Variants in C1D observed in about 807,000 individuals in gnomAD.
C1D encodes the protein nuclear nucleic acid-binding protein C1D.
A neutral mutation model predicts 17.5 loss-of-function variants in C1D; 10 were observed. The observed-to-expected ratio is 0.57, with a 90% CI of 0.35 to 0.97. C1D has a LOEUF of 0.97. Among genes scored for constraint, C1D ranks in the 50% least tolerant of loss-of-function variants. The pLI, the probability that C1D is intolerant of heterozygous loss-of-function variation, is 0.01. For synonymous variants in C1D, 49 were observed against 54.0 expected, an observed-to-expected ratio of 0.91 and a Z score of 0.40; for missense variants, 136 against 160.1, an observed-to-expected ratio of 0.85 and a Z score of 0.81.
intron 1 of C1D, among the ~76,000 whole-genome samples, chr2:68,051,751 T>G (rs968350678): frequency 6.6e-6 from 1 of 151,926 alleles, no homozygotes; most frequent in African/African-American, 2.4e-5. Context: ...GAGCTCATTA[T>G]GTTACCTTCA....
intron 1 of C1D, among the ~76,000 whole-genome samples, chr2:68,055,001 G>T (rs1455730731): frequency 6.8e-6 from 1 of 147,304 alleles, no homozygotes. Context: ...AAAGACTATT[G>T]CACTAAGATG....
rs1372502484 is a variant in C1D, at chr2:68,042,270, A to G, written c.*619T>C. ...TGCCAAAATTCATCCATCAACATAC[A>G]ACCTTATTTCCCATCTAAAGTTAAT... On this transcript the variant is annotated 3_prime_UTR_variant, in exon 5 of 5. Coordinates refer to ENST00000410067, the MANE Select transcript of C1D (RefSeq NM_173177.3). The G allele has an allele frequency of 1.3e-5, 2 of 152,664 alleles. No homozygotes were observed. The highest frequency in any genetic ancestry group is 4.8e-5 in the African/African-American group (2 of 41,562). The allele number at this position is 152,664 out of a possible 1,614,324, so 9.5% of individuals were successfully genotyped here.
At chr2:68,056,188 T>C (rs1671433375) in intron 1 of C1D, among the ~76,000 whole-genome samples, 1 of 152,236 alleles carries the variant, frequency 6.6e-6, no homozygotes, top group Admixed American at 6.5e-5. Flanking sequence ...AGTGGCTCAA[T>C]CTCAGCTCAA....
intron 4 of C1D, among the ~76,000 whole-genome samples, chr2:68,045,520 A>G (rs1177823772): frequency 6.6e-6 from 1 of 152,218 alleles, no homozygotes; most frequent in Non-Finnish European, 1.5e-5. Context: ...ACTGGACAGT[A>G]CACATACAGC....
At chr2:68,046,502 T>A in intron 2 of C1D, 92 bp from the exon 3 acceptor site, 1 of 843,272 alleles carries the variant, frequency 1.2e-6, no homozygotes, top group South Asian at 1.5e-5. Flanking sequence ...ATTTGACTTT[T>A]ACCAAGTACA....
At position 68,041,894 on chromosome 2, in the gene C1D, T is replaced by C. The variant is rs1235986961; in HGVS notation, c.*995A>G. ...ATTTAAAAAAAGGTTTACTATGTAGTACTCTCTGTAACTAATATTCCAGAA... is the reference window on the plus strand; with the variant it reads ...ATTTAAAAAAAGGTTTACTATGTAGCACTCTCTGTAACTAATATTCCAGAA... On this transcript the variant is annotated 3_prime_UTR_variant, in exon 5 of 5. Transcript: ENST00000410067. 2 of 152,060 alleles carry C rather than the reference T, an allele frequency of 1.3e-5. No individual in the cohort carries two copies. The highest frequency in any genetic ancestry group is 2.9e-5 in the Non-Finnish European group (2 of 67,908). The allele number at this position is 152,060 out of a possible 1,614,324, so 9.4% of individuals were successfully genotyped here.
At chr2:68,050,841 C>T (rs1036030686) in intron 1 of C1D, among the ~76,000 whole-genome samples, 1 of 152,234 alleles carries the variant, frequency 6.6e-6, no homozygotes, top group Admixed American at 6.5e-5. Context: ...AATAAATTCT[C>T]AAACAGAACG....
At position 68,041,651 on chromosome 2, in the gene C1D, CCATTA is replaced by C. The variant is rs1375886167; in HGVS notation, c.*1233_*1237del. ...AAGAGTTCAACATGCTTTACAAAAT[CCATTA>C]CATTTTAAGACCATTTCCAATATCT... is the stretch of plus-strand genomic sequence containing the variant. On this transcript the variant is annotated 3_prime_UTR_variant, in exon 5 of 5. Coordinates refer to ENST00000410067, the MANE Select transcript of C1D (RefSeq NM_173177.3). 6.6e-6 allele frequency: 1 copy of C among 152,012 alleles called. No homozygotes were observed. The highest frequency in any genetic ancestry group is 1.5e-5 in the Non-Finnish European group (1 of 67,894). The allele number at this position is 152,012 out of a possible 1,614,324, so 9.4% of individuals were successfully genotyped here. A position where few individuals can be genotyped will look rare whatever the true frequency, so the allele number is the denominator to read the frequency against.
chr2:68,059,416 T>C (rs942892158), intron 1 of C1D, among the ~76,000 whole-genome samples: 1 of 152,188 alleles, frequency 6.6e-6, no homozygotes, highest in African/African-American at 2.4e-5. Flanking sequence ...GTGAAACTTA[T>C]CAATCCTTTA....
chr2:68,054,806 A>AT (rs902884873), intron 1 of C1D, among the ~76,000 whole-genome samples: 4 of 151,842 alleles, frequency 2.6e-5, no homozygotes, highest in Admixed American at 1.3e-4. Flanking sequence ...AAAAAAAAAA[A>AT]ATATTTTTAA....
Position 68,046,363 on chromosome 2 carries a change from T to C in C1D, c.186A>G (p.Thr62=), listed in dbSNP as rs761505425. ...QAKVDLVSAY[T]LNSMFWVYLA... ...ACATACCCCAAAACATTGAATTTAATGTGTATGCAGAAACCAAATCCACTT... is the reference window on the plus strand; with the variant it reads ...ACATACCCCAAAACATTGAATTTAACGTGTATGCAGAAACCAAATCCACTT... Residue 62 remains threonine (T), a synonymous_variant, in exon 3 of 5, where the codon ACA becomes ACG. Coordinates refer to ENST00000410067, the MANE Select transcript of C1D (RefSeq NM_173177.3). The C allele has an allele frequency of 1.9e-6, 3 of 1,611,834 alleles. No individual in the cohort carries two copies. Among genetic ancestry groups the C allele is most frequent in the Non-Finnish European group, 2.5e-6 (3 of 1,178,616 alleles).
chr2:68,049,809 T>TAAA (rs367604329), intron 1 of C1D, among the ~76,000 whole-genome samples: 63 of 152,294 alleles, frequency 4.1e-4, no homozygotes, highest in African/African-American at 1.4e-3. Flanking sequence ...CCAAATGCTA[T>TAAA]AGGAAATGGC....
intron 1 of C1D, among the ~76,000 whole-genome samples, chr2:68,059,053 G>C (rs1372365312): frequency 6.6e-6 from 1 of 152,182 alleles, no homozygotes. Flanking sequence ...AAAGAAAAGA[G>C]GTTAGATTTG....
intron 2 of C1D, 115 bp downstream of exon 2, chr2:68,047,058 G>T: frequency 2.2e-6 from 2 of 895,546 alleles, no homozygotes; most frequent in Non-Finnish European, 3.1e-6. Flanking sequence ...TAATAAAATT[G>T]AAATAAAGGG....
intron 1 of C1D, among the ~76,000 whole-genome samples, chr2:68,060,759 G>C (rs1208476164): frequency 2.0e-5 from 3 of 152,046 alleles, no homozygotes; most frequent in Admixed American, 2.0e-4. Flanking sequence ...ACAAACCTAA[G>C]TCAGATCATG....
intron 1 of C1D, among the ~76,000 whole-genome samples, chr2:68,057,639 G>C (rs1671476928): frequency 6.6e-6 from 1 of 152,038 alleles, no homozygotes; most frequent in African/African-American, 2.4e-5. Flanking sequence ...AATTTTTAAA[G>C]AATAAAATAT....
chr2:68,051,037 G>A (rs1671264836), intron 1 of C1D, among the ~76,000 whole-genome samples: 1 of 151,994 alleles, frequency 6.6e-6, no homozygotes, highest in African/African-American at 2.4e-5. Context: ...TACTATCCTG[G>A]TCCAAACCAC....
chr2:68,051,024 T>C (rs956660389), intron 1 of C1D, among the ~76,000 whole-genome samples: 1 of 152,334 alleles, frequency 6.6e-6, no homozygotes, highest in African/African-American at 2.4e-5. Context: ...CCACCTCTAC[T>C]GCTACTATCC....
chr2:68,061,320 C>T (rs2861796), intron 1 of C1D, among the ~76,000 whole-genome samples: 7,419 of 152,236 alleles, frequency 0.049, 344 homozygotes, highest in East Asian at 0.28. Context: ...CCTTCAGTCC[C>T]ACAGTACAAT....
Sources: gnomAD v4.1 joint callset for allele counts (sites outside exome capture counted in the v4.1 genomes callset) on GRCh38, gnomAD v4.1.1 for gene constraint, MANE v1.5 for transcripts, NCBI Gene and HGNC (gene_info 2026-07-23, HGNC 2026-07-21) for gene names.